The following DGKG variants were observed in gnomAD, a reference collection of about 807,000 sequenced individuals.
The protein encoded by DGKG is diacylglycerol kinase gamma.
A neutral mutation model predicts 105.3 loss-of-function variants in DGKG; 78 were observed. The ratio of observed to expected loss-of-function variants is 0.74; its 90% CI spans 0.62 to 0.89. The LOEUF (loss-of-function observed/expected upper bound fraction) is 0.89. DGKG is among the 40% of genes least tolerant of loss of function. The pLI, the probability that DGKG is intolerant of heterozygous loss-of-function variation, is 0.00. For missense variants in DGKG, 958 were observed against 1,020.1 expected, an observed-to-expected ratio of 0.94 and a Z score of 0.83; for synonymous variants, 346 against 367.1, an observed-to-expected ratio of 0.94 and a Z score of 0.66.
At chr3:186,165,698 CA>C (rs1432808855) in intron 22 of DGKG, among the ~76,000 whole-genome samples, 2 of 152,226 alleles carry the variant, frequency 1.3e-5, no homozygotes, top group African/African-American at 4.8e-5. Context: ...AGTGGTCTCC[CA>C]CAGTGGGATT....
intron 17 of DGKG, among the ~76,000 whole-genome samples, chr3:186,256,336 G>A (rs1163109660): frequency 6.6e-6 from 1 of 152,142 alleles, no homozygotes; most frequent in East Asian, 1.9e-4. Flanking sequence ...CCCTGGTCAC[G>A]GTCTAGTCCT....
chr3:186,154,825 G>A (rs756863595), intron 24 of DGKG, among the ~76,000 whole-genome samples: 12 of 152,140 alleles, frequency 7.9e-5, no homozygotes, highest in Non-Finnish European at 1.6e-4. Flanking sequence ...CTTGGAACTT[G>A]TTAGAAATGA....
intron 6 of DGKG, among the ~76,000 whole-genome samples, chr3:186,285,679 CTTTT>C (rs34275225): frequency 2.3e-5 from 3 of 133,202 alleles, no homozygotes; most frequent in Admixed American, 7.7e-5. Context: ...TTCTTTCTTT[CTTTT>C]TTTTTTTTTT....
At chr3:186,255,854 T>A (rs963189141) in intron 17 of DGKG, among the ~76,000 whole-genome samples, 1 of 151,954 alleles carries the variant, frequency 6.6e-6, no homozygotes, top group Non-Finnish European at 1.5e-5. Context: ...GAAATGAGAG[T>A]GAACGGATGA....
intron 17 of DGKG, 166 bp downstream of exon 17, chr3:186,257,688 T>A: frequency 1.7e-6 from 1 of 576,506 alleles, no homozygotes; most frequent in Non-Finnish European, 3.1e-6. Context: ...TTTCTTTTTT[T>A]TTTTTTTTTC....
intron 20 of DGKG, among the ~76,000 whole-genome samples, chr3:186,233,540 C>T (rs1466501217): frequency 1.3e-5 from 2 of 152,166 alleles, no homozygotes; most frequent in East Asian, 1.9e-4. Context: ...ACTGCAGTGG[C>T]GCGATCTCGG....
intron 14 of DGKG, among the ~76,000 whole-genome samples, chr3:186,263,165 A>ACAC (rs67839032): frequency 2.0e-5 from 3 of 151,556 alleles, no homozygotes; most frequent in African/African-American, 7.3e-5. Context: ...CAAACAAAAA[A>ACAC]CACCACCACC....
chr3:186,272,796 G>A (rs1312493343), intron 10 of DGKG, among the ~76,000 whole-genome samples: 1 of 151,950 alleles, frequency 6.6e-6, no homozygotes, highest in African/African-American at 2.4e-5. Flanking sequence ...TCGGCTCACT[G>A]CAACCTCCGC....
At chr3:186,315,688 G>A (rs886430006) in intron 2 of DGKG, among the ~76,000 whole-genome samples, 5 of 151,916 alleles carry the variant, frequency 3.3e-5, no homozygotes, top group Admixed American at 6.6e-5. Context: ...CTCTGCAACC[G>A]CTAACAGCTA....
chr3:186,320,371 G>A (rs1483130489), intron 2 of DGKG, 22 bp downstream of exon 2: 1 of 1,613,800 alleles, frequency 6.2e-7, no homozygotes, highest in Admixed American at 1.7e-5. Flanking sequence ...CCCGTCCCAG[G>A]GCTGTCAATG....
At chr3:186,275,431 G>A in intron 10 of DGKG, 116 bp downstream of exon 10, 1 of 866,558 alleles carries the variant, frequency 1.2e-6, no homozygotes, top group Non-Finnish European at 1.9e-6. Context: ...GGACAATATG[G>A]GTGGTCCCTC....
chr3:186,296,906 C>T (rs1169756398), intron 5 of DGKG, among the ~76,000 whole-genome samples: 1 of 152,174 alleles, frequency 6.6e-6, no homozygotes, highest in Non-Finnish European at 1.5e-5. Context: ...TTATTAGCAA[C>T]TCCTCAACTT....
chr3:186,243,443 C>T (rs1006879803), intron 19 of DGKG, among the ~76,000 whole-genome samples: 1 of 152,098 alleles, frequency 6.6e-6, no homozygotes, highest in Non-Finnish European at 1.5e-5. Context: ...TGGGTTCTAC[C>T]TGCGGCCCCC....
chr3:186,208,438 AG>A (rs766174031), intron 21 of DGKG, among the ~76,000 whole-genome samples: 25,091 of 47,102 alleles, frequency 0.53, 2,317 homozygotes, highest in Non-Finnish European at 0.55. Context: ...AAAAAAAAAA[AG>A]AAGAAAAAAA....
chr3:186,193,733 C>A (rs1044922213), intron 21 of DGKG, among the ~76,000 whole-genome samples: 1 of 152,190 alleles, frequency 6.6e-6, no homozygotes, highest in Non-Finnish European at 1.5e-5. Flanking sequence ...CGCTCCCCGG[C>A]GGGTTCCCGA....
intron 2 of DGKG, among the ~76,000 whole-genome samples, chr3:186,315,967 C>G (rs1249420830): frequency 6.6e-6 from 1 of 152,166 alleles, no homozygotes; most frequent in South Asian, 2.1e-4. Flanking sequence ...CTCTTGGAGC[C>G]CTGAGCTGAC....
intron 19 of DGKG, among the ~76,000 whole-genome samples, chr3:186,248,225 T>C (rs1721038677): frequency 6.6e-6 from 1 of 152,142 alleles, no homozygotes; most frequent in African/African-American, 2.4e-5. Flanking sequence ...TGGGGAACCA[T>C]GTTTTTGTCA....
intron 19 of DGKG, among the ~76,000 whole-genome samples, chr3:186,250,557 C>CATTTTTTTTTTTTTTTTTT (rs1721162107): frequency 8.6e-6 from 1 of 116,178 alleles, no homozygotes; most frequent in African/African-American, 3.3e-5. Context: ...TTCTGTCATT[C>CATTTTTTTTTTTTTTTTTT]TTTTTTTTTT....
intron 1 of DGKG, among the ~76,000 whole-genome samples, chr3:186,333,046 A>G (rs1417415984): frequency 1.3e-5 from 2 of 152,190 alleles, no homozygotes. Flanking sequence ...CTCACCCTCC[A>G]TAACCGTAAG....
Sources: allele counts gnomAD v4.1 joint callset (sites outside exome capture counted in the v4.1 genomes callset), GRCh38; gene constraint gnomAD v4.1.1; transcripts MANE v1.5; gene names NCBI Gene and HGNC (gene_info 2026-07-23, HGNC 2026-07-21).